VHL: variants seen among roughly 807,000 people sequenced by gnomAD.
VHL encodes the protein von Hippel-Lindau tumor suppressor, also known as von Hippel-Lindau disease tumor suppressor.
In VHL, 10 loss-of-function variants were observed where a neutral mutation model predicts 19.2. The observed-to-expected ratio is 0.52, with a 90% CI of 0.32 to 0.89. The LOEUF (loss-of-function observed/expected upper bound fraction) is 0.89. Ranked by LOEUF, VHL falls within the 40% of genes least tolerant of loss-of-function variation. The probability of loss-of-function intolerance (pLI) is 0.03; values close to 1 mark genes in which losing one functional copy is unlikely to be tolerated. For synonymous variants in VHL, 167 were observed against 129.5 expected (o/e 1.29, Z -1.97); for missense variants, 328 against 292.7 (o/e 1.12, Z -0.88).
Position 10,150,408 on chromosome 3 carries a change from G to A in VHL, c.*443G>A, listed in dbSNP as rs1293140945. ...CTGCTTTGGGAAGACTGAGGCATCC[G>A]TGAGGCAGGGACAAGTCTTTCTCCT... On this transcript the variant is annotated 3_prime_UTR_variant, in exon 3 of 3. Coordinates refer to ENST00000256474, the MANE Select transcript of VHL (RefSeq NM_000551.4). The A allele has an allele frequency of 1.7e-6, 2 of 1,167,656 alleles. No individual in the cohort carries two copies. Among genetic ancestry groups the A allele is most frequent in the African/African-American group, 1.6e-5 (1 of 64,220 alleles). 72.3% of individuals were successfully genotyped at this position (1,167,656 alleles called of 1,614,324 possible). A position where few individuals can be genotyped will look rare whatever the true frequency, so the allele number is the denominator to read the frequency against.
rs372340900 is a variant in VHL at position 10,146,509 on chromosome 3, G to T, written c.341-5G>T. On this transcript the variant is annotated splice_polypyrimidine_tract_variant and splice_region_variant and intron_variant, in intron 1 of 2. Coordinates refer to ENST00000256474, the MANE Select transcript of VHL (RefSeq NM_000551.4). Reference sequence around the variant, plus strand: ...CTCTTTAACAACCTTTGCTTGTCCCGATAGGTCACCTTTGGCTCTTCAGAG... The same window carrying T: ...CTCTTTAACAACCTTTGCTTGTCCCTATAGGTCACCTTTGGCTCTTCAGAG... The T allele has an allele frequency of 6.2e-7, 1 of 1,613,450 alleles. No individual in the cohort carries two copies. Among genetic ancestry groups the T allele is most frequent in the Non-Finnish European group, 8.5e-7 (1 of 1,179,574 alleles).
chr3:10,147,869 G>C (rs991764148), intron 2 of VHL, among the ~76,000 whole-genome samples: 2 of 152,004 alleles, frequency 1.3e-5, no homozygotes, highest in Admixed American at 1.3e-4. Context: ...TGGCGGGAGG[G>C]TCGCTTGAGA....
At position 10,151,691 on chromosome 3, in the gene VHL, ATAAT is replaced by A. The variant is rs1289301711; in HGVS notation, c.*1731_*1734del. 9.5e-6 allele frequency: 2 copies of A among 210,982 alleles called. No individual in the cohort carries two copies. Among genetic ancestry groups the A allele is most frequent in the Non-Finnish European group, 1.9e-5 (2 of 104,104 alleles). The allele number at this position is 210,982 out of a possible 1,614,324, so 13.1% of individuals were successfully genotyped here. On this transcript the variant is annotated 3_prime_UTR_variant, in exon 3 of 3. Transcript: ENST00000256474. Reference sequence around the variant, plus strand: ...CAAACATTAGTATAGTCTCCCTTTTATAATTAATGTTTGTGGGTATTTCTTGGCA... The same window carrying A: ...CAAACATTAGTATAGTCTCCCTTTTATAATGTTTGTGGGTATTTCTTGGCA...
At chr3:10,142,224 C>A (rs746101911) in intron 1 of VHL, 37 bp downstream of exon 1, 1 of 1,582,286 alleles carries the variant, frequency 6.3e-7, no homozygotes, top group African/African-American at 1.3e-5. Flanking sequence ...CCAGCAGGGA[C>A]GATAGCACGG....
rs1696454372 is a variant in VHL at position 10,153,035 on chromosome 3, GGGAGGCCTAGGCGGGT to G, written c.*3074_*3089del. Among the ~76,000 whole-genome samples the G allele has an allele frequency of 1.3e-5, 2 of 152,028 alleles. No individual in the cohort carries two copies. The highest frequency in any genetic ancestry group is 4.8e-5 in the African/African-American group (2 of 41,428). On this transcript the variant is annotated 3_prime_UTR_variant, in exon 3 of 3. Transcript: ENST00000256474. ...CTCATGCCTGTAATCCCAGCACTTT[GGGAGGCCTAGGCGGGT>G]GGATCACGAGGTCAGGAAATCGAGA... is the stretch of plus-strand genomic sequence containing the variant.
At chr3:10,144,652 T>C (rs1052849761) in intron 1 of VHL, among the ~76,000 whole-genome samples, 8 of 152,054 alleles carry the variant, frequency 5.3e-5, no homozygotes, top group African/African-American at 1.9e-4. Context: ...GCTGGGACTA[T>C]AGGCATGCTC....
chr3:10,152,796 A>G lies in VHL; in HGVS notation c.*2831A>G, dbSNP rs1385222324. Among the ~76,000 whole-genome samples, 3 of 151,576 alleles carry G rather than the reference A, an allele frequency of 2.0e-5. No individual in the cohort carries two copies. The highest frequency in any genetic ancestry group is 3.9e-4 in the East Asian group (2 of 5,080). ...TGAGCCACCGCGTCCAGCCAGCTTT[A>G]TTATTTTTTTTAAGCTGTCTTTGTG... On this transcript the variant is annotated 3_prime_UTR_variant, in exon 3 of 3. Coordinates refer to ENST00000256474, the MANE Select transcript of VHL (RefSeq NM_000551.4).
rs1559428134 is a variant in VHL at position 10,146,567 on chromosome 3, CA to C, written c.397del (p.Thr133LeufsTer26). On this transcript the variant is annotated frameshift_variant, in exon 2 of 3. Transcript: ENST00000256474. LOFTEE classifies it high-confidence loss of function. ...AGTHDGLLVNQTELFVPSLNV... is the reference protein window; with the variant it reads ...AGTHDGLLVNXTELFVPSLNV... ...GACACACGATGGGCTTCTGGTTAAC[CA>C]AACTGAATTATTTGTGCCATCTCTC... The C allele has an allele frequency of 6.2e-7, 1 of 1,614,022 alleles. No homozygotes were observed. Among genetic ancestry groups the C allele is most frequent in the Non-Finnish European group, 8.5e-7 (1 of 1,179,924 alleles).
At chr3:10,149,759 A>G in intron 2 of VHL, 28 bp from the exon 3 acceptor site, 1 of 1,599,188 alleles carries the variant, frequency 6.3e-7, no homozygotes, top group Non-Finnish European at 8.6e-7. Context: ...CTAGTCTGCC[A>G]CTGAGGATTT....
intron 2 of VHL, among the ~76,000 whole-genome samples, chr3:10,149,266 C>G (rs1192621207): frequency 6.6e-6 from 1 of 152,064 alleles, no homozygotes; most frequent in African/African-American, 2.4e-5. Flanking sequence ...GCATGTGCCA[C>G]CATGCCTGGC....
chr3:10,153,246 C>G lies in VHL; in HGVS notation c.*3281C>G, dbSNP rs1696460610. Among the ~76,000 whole-genome samples, 2 of 151,630 alleles carry G rather than the reference C, an allele frequency of 1.3e-5. No individual in the cohort carries two copies. Among genetic ancestry groups the G allele is most frequent in the Admixed American group, 1.3e-4 (2 of 15,170 alleles). On this transcript the variant is annotated 3_prime_UTR_variant, in exon 3 of 3. Coordinates refer to ENST00000256474, the MANE Select transcript of VHL (RefSeq NM_000551.4). ...TGAGCTGAGATGGTGCCACTGCACT[C>G]TAACCTGGGCGACAGAGTGAGACAC...
chr3:10,142,540 T>G, intron 1 of VHL: 1 of 292,866 alleles, frequency 3.4e-6, no homozygotes. Context: ...GAGACGGGGT[T>G]TCACCATGTT....
chr3:10,141,945 C>A lies in VHL; in HGVS notation c.98C>A (p.Ser33Ter), dbSNP rs1476994915. 6.5e-7 allele frequency: 1 copy of A among 1,542,036 alleles called. No homozygotes were observed. Among genetic ancestry groups the A allele is most frequent in the South Asian group, 1.2e-5 (1 of 83,328 alleles). ...YGPEEDGGEE[S>*]GAEESGPEES... ...CCTGAAGAAGACGGCGGGGAGGAGT[C>A]GGGCGCCGAGGAGTCCGGCCCGGAA... The change falls in exon 1 of 3, where the codon TCG becomes TAG. Residue 33 changes from serine (S) to a stop codon, truncating the protein, a stop_gained. Coordinates refer to ENST00000256474, the MANE Select transcript of VHL (RefSeq NM_000551.4). LOFTEE classifies it high-confidence loss of function.
chr3:10,153,553 A>C lies in VHL; in HGVS notation c.*3588A>C, dbSNP rs960383475. On this transcript the variant is annotated 3_prime_UTR_variant, in exon 3 of 3. Transcript: ENST00000256474. ...TTGTTTTTCATTTCGAATCTTGTGA[A>C]TGTATTAAATATATCGCTCTTAAGA... 3.3e-5 allele frequency among the ~76,000 whole-genome samples: 5 copies of C among 152,098 alleles called. No individual in the cohort carries two copies. Among genetic ancestry groups the C allele is most frequent in the Non-Finnish European group, 7.3e-5 (5 of 68,028 alleles).
chr3:10,146,740 C>G, intron 2 of VHL, 104 bp downstream of exon 2: 1 of 1,423,694 alleles, frequency 7.0e-7, no homozygotes, highest in Non-Finnish European at 9.9e-7. Flanking sequence ...TGATGTCAGG[C>G]ACGTTATCCA....
In VHL at chr3:10,151,937, TGTAATCC is replaced by T. The variant is rs149248243; in HGVS notation, c.*1973_*1979del. 0.098 allele frequency: 17,914 copies of T among 182,356 alleles called. 2,666 individuals carry two copies. The highest frequency in any genetic ancestry group is 0.35 in the African/African-American group (14,789 of 42,276). 11.3% of individuals were successfully genotyped at this position (182,356 alleles called of 1,614,324 possible). On this transcript the variant is annotated 3_prime_UTR_variant, in exon 3 of 3. Transcript: ENST00000256474. Reference sequence around the variant, plus strand: ...AAAAATTAGCATGGCGGCACACATCTGTAATCCTAGCTACTTGGCAGGCTGAGGTGAG... The same window carrying T: ...AAAAATTAGCATGGCGGCACACATCTTAGCTACTTGGCAGGCTGAGGTGAG...
rs767062290 is a variant in VHL at position 10,142,185 on chromosome 3, G to C, written c.338G>C (p.Arg113Pro). 6.9e-6 allele frequency: 11 copies of C among 1,597,698 alleles called. No individual in the cohort carries two copies. The highest frequency in any genetic ancestry group is 8.5e-6 in the Non-Finnish European group (10 of 1,179,318). ...PGTGRRIHSY[R>P]GHLWLFRDAG... ...ACGGGCCGCCGCATCCACAGCTACC[G>C]AGGTACGGGCCCGGCGCTTAGGCCC... is the stretch of plus-strand genomic sequence containing the variant. The change falls in exon 1 of 3, where the codon CGA becomes CCA. Residue 113 changes from arginine (R) to proline (P), a missense_variant and splice_region_variant. Coordinates refer to ENST00000256474, the MANE Select transcript of VHL (RefSeq NM_000551.4).
At chr3:10,142,338 A>ATTTTTT in intron 1 of VHL, 151 bp downstream of exon 1, 1 of 418,212 alleles carries the variant, frequency 2.4e-6, no homozygotes, top group Non-Finnish European at 3.8e-6. Context: ...GCGTCAGAGC[A>ATTTTTT]TTCTTTTTTT....
chr3:10,150,017 T>G lies in VHL; in HGVS notation c.*52T>G. The G allele has an allele frequency of 1.9e-6, 3 of 1,583,264 alleles. No homozygotes were observed. The highest frequency in any genetic ancestry group is 2.3e-5 in the South Asian group (2 of 87,178). ...TCATCTCAGCTTTTGATGGTACTGATGAGTCTTGATCTAGATACAGGACTG... is the reference window on the plus strand; with the variant it reads ...TCATCTCAGCTTTTGATGGTACTGAGGAGTCTTGATCTAGATACAGGACTG... On this transcript the variant is annotated 3_prime_UTR_variant, in exon 3 of 3. Coordinates refer to ENST00000256474, the MANE Select transcript of VHL (RefSeq NM_000551.4).
Sources: gnomAD v4.1 joint callset for allele counts (sites outside exome capture counted in the v4.1 genomes callset) on GRCh38, gnomAD v4.1.1 for gene constraint, MANE v1.5 for transcripts, NCBI Gene and HGNC (gene_info 2026-07-23, HGNC 2026-07-21) for gene names.